Variants in NRXN3 observed in about 807,000 individuals in gnomAD.
The protein encoded by NRXN3 is neurexin III.
Under a neutral mutation model 137.6 loss-of-function variants are expected in NRXN3, and 32 were observed. That is an observed-to-expected ratio of 0.23 (90% confidence interval 0.18 to 0.31). The LOEUF (loss-of-function observed/expected upper bound fraction) is 0.31. Ranked by LOEUF, NRXN3 falls within the 10% of genes least tolerant of loss-of-function variation. NRXN3 has a pLI of 1.00. For missense variants in NRXN3, 1,574 were observed against 2,062.5 expected, an observed-to-expected ratio of 0.76 and a Z score of 4.59; for synonymous variants, 798 against 784.5, an observed-to-expected ratio of 1.02 and a Z score of -0.29.
intron 15 of NRXN3, among the ~76,000 whole-genome samples, chr14:79,138,565 T>C (rs575653864): frequency 6.6e-6 from 1 of 152,358 alleles, no homozygotes; most frequent in Non-Finnish European, 1.5e-5. Context: ...CTTTGTAGGC[T>C]AATCATTATG....
intron 4 of NRXN3, among the ~76,000 whole-genome samples, chr14:78,320,357 C>T (rs953588516): frequency 6.6e-6 from 1 of 152,196 alleles, no homozygotes; most frequent in Non-Finnish European, 1.5e-5. Flanking sequence ...TTATTTATTT[C>T]ATCACTGGGG....
At chr14:79,000,807 C>A (rs1453611681) in intron 15 of NRXN3, among the ~76,000 whole-genome samples, 1 of 152,020 alleles carries the variant, frequency 6.6e-6, no homozygotes, top group Non-Finnish European at 1.5e-5. Flanking sequence ...GAGAACAGAG[C>A]AAATCAAAAA....
chr14:79,598,901 G>T (rs1276561280), intron 16 of NRXN3, among the ~76,000 whole-genome samples: 1 of 152,170 alleles, frequency 6.6e-6, no homozygotes, highest in Non-Finnish European at 1.5e-5. Flanking sequence ...GTTAGAAGAG[G>T]TGGCCCTGGG....
chr14:79,117,444 A>G (rs1236893380), intron 15 of NRXN3, among the ~76,000 whole-genome samples: 1 of 152,210 alleles, frequency 6.6e-6, no homozygotes, highest in East Asian at 1.9e-4. Flanking sequence ...AAAAAGAACC[A>G]TGGATATATG....
chr14:79,754,632 A>G (rs961146265), intron 19 of NRXN3, among the ~76,000 whole-genome samples: 5 of 149,916 alleles, frequency 3.3e-5, no homozygotes, highest in Admixed American at 2.7e-4. Flanking sequence ...GTATATTTAC[A>G]TGTATTTATA....
chr14:79,387,355 C>T (rs1414663443), intron 15 of NRXN3, among the ~76,000 whole-genome samples: 1 of 152,110 alleles, frequency 6.6e-6, no homozygotes, highest in Non-Finnish European at 1.5e-5. Flanking sequence ...TGAAAAAATG[C>T]TCATCATCAC....
At chr14:79,496,349 A>G (rs1038084147) in intron 16 of NRXN3, among the ~76,000 whole-genome samples, 7 of 152,158 alleles carry the variant, frequency 4.6e-5, no homozygotes, top group African/African-American at 1.7e-4. Context: ...ATCTGATCAA[A>G]GAGTGTCATG....
At chr14:78,660,253 TTATA>T (rs373491178) in intron 6 of NRXN3, among the ~76,000 whole-genome samples, 18 of 139,692 alleles carry the variant, frequency 1.3e-4, no homozygotes, top group African/African-American at 3.9e-4. Flanking sequence ...AGAAGTAGAT[TTATA>T]TATATATATA....
chr14:79,553,540 T>C (rs1318546910), intron 16 of NRXN3, among the ~76,000 whole-genome samples: 1 of 152,158 alleles, frequency 6.6e-6, no homozygotes, highest in Non-Finnish European at 1.5e-5. Context: ...TATTGTGAGA[T>C]AACTACATGC....
In NRXN3 at chr14:78,797,175, G is replaced by A. The variant is rs192253179; in HGVS notation, c.2045-6445G>A. Among the ~76,000 whole-genome samples the A allele has an allele frequency of 5.7e-3, 873 of 152,190 alleles. 4 individuals carry two copies. Among genetic ancestry groups the A allele is most frequent in the Non-Finnish European group, 9.6e-3 (654 of 68,004 alleles). ...AGGGGGGAGACGAGAGCCGTCTGCCGAAAATATACAAGTCTCAGAATTATC... is the reference window on the plus strand; with the variant it reads ...AGGGGGGAGACGAGAGCCGTCTGCCAAAAATATACAAGTCTCAGAATTATC... On this transcript the variant is annotated intron_variant, in intron 8 of 20. Coordinates refer to ENST00000335750, the MANE Select transcript of NRXN3 (RefSeq NM_001330195.2).
At chr14:79,382,952 T>C (rs2094510175) in intron 15 of NRXN3, among the ~76,000 whole-genome samples, 1 of 149,558 alleles carries the variant, frequency 6.7e-6, no homozygotes, top group Non-Finnish European at 1.5e-5. Flanking sequence ...TACCACCTTA[T>C]ATAGAGAGAT....
chr14:79,647,656 C>T (rs1243065239), intron 16 of NRXN3, among the ~76,000 whole-genome samples: 2 of 135,388 alleles, frequency 1.5e-5, no homozygotes, highest in African/African-American at 4.9e-5. Context: ...TCGAGCCGAC[C>T]CATCTCTCTG....
intron 4 of NRXN3, among the ~76,000 whole-genome samples, chr14:78,327,439 T>A (rs1307336597): frequency 2.0e-5 from 3 of 152,178 alleles, no homozygotes. Flanking sequence ...GAGCTTTTTG[T>A]AGCAATTCCT....
chr14:79,646,451 A>G (rs906362967), intron 16 of NRXN3, among the ~76,000 whole-genome samples: 4 of 135,940 alleles, frequency 2.9e-5, no homozygotes, highest in African/African-American at 9.8e-5. Context: ...TCACATGCCA[A>G]TGTCCAAAAA....
intron 1 of NRXN3, among the ~76,000 whole-genome samples, chr14:78,171,994 T>A (rs2058768871): frequency 6.6e-6 from 1 of 152,140 alleles, no homozygotes; most frequent in African/African-American, 2.4e-5. Context: ...GGACAAGAGC[T>A]GTCTTCTCCC....
At chr14:78,520,914 A>C (rs776352397) in intron 4 of NRXN3, among the ~76,000 whole-genome samples, 3 of 152,176 alleles carry the variant, frequency 2.0e-5, no homozygotes, top group Non-Finnish European at 2.9e-5. Context: ...TGAGAAGTTA[A>C]TATCTTTCTT....
intron 4 of NRXN3, among the ~76,000 whole-genome samples, chr14:78,462,862 A>C (rs908011288): frequency 7.9e-5 from 12 of 152,230 alleles, no homozygotes; most frequent in African/African-American, 2.9e-4. Context: ...TGACAATAAC[A>C]ATGGCAGGAA....
intron 15 of NRXN3, among the ~76,000 whole-genome samples, chr14:79,394,868 C>T (rs1012096344): frequency 1.3e-5 from 2 of 152,098 alleles, no homozygotes; most frequent in Non-Finnish European, 2.9e-5. Context: ...CTGACTTGCT[C>T]GATCAAGGTC....
At chr14:79,039,970 CTA>C (rs886587350) in intron 15 of NRXN3, among the ~76,000 whole-genome samples, 7 of 152,196 alleles carry the variant, frequency 4.6e-5, no homozygotes, top group African/African-American at 1.7e-4. Context: ...TCCCAAAGTG[CTA>C]TGATTATAGG....
Sources: gnomAD v4.1 joint callset for allele counts (sites outside exome capture counted in the v4.1 genomes callset) on GRCh38, gnomAD v4.1.1 for gene constraint, MANE v1.5 for transcripts, NCBI Gene and HGNC (gene_info 2026-07-23, HGNC 2026-07-21) for gene names.